The following FHIT variants were observed in gnomAD, a reference collection of about 807,000 sequenced individuals.
FHIT encodes the protein bis(5'-adenosyl)-triphosphatase.
Under a neutral mutation model 17.9 loss-of-function variants are expected in FHIT, and 19 were observed. The ratio of observed to expected loss-of-function variants is 1.06; its 90% CI spans 0.74 to 1.56. The LOEUF is 1.56. Ranked by LOEUF, FHIT falls within the 40% of genes most tolerant of loss-of-function variation. FHIT has a pLI of 0.00. For missense variants in FHIT, 248 were observed against 189.2 expected, an observed-to-expected ratio of 1.31 and a Z score of -1.82; for synonymous variants, 81 against 69.7, an observed-to-expected ratio of 1.16 and a Z score of -0.81.
intron 4 of FHIT, among the ~76,000 whole-genome samples, chr3:60,540,627 G>A (rs747609772): frequency 1.3e-5 from 2 of 152,180 alleles, no homozygotes; most frequent in Non-Finnish European, 2.9e-5. Context: ...GTTGTTGCTG[G>A]TGTGAAAGCA....
chr3:61,207,857 C>G lies in FHIT; in HGVS notation c.-212-7192G>C, dbSNP rs2039302543. On this transcript the variant is annotated intron_variant, in intron 1 of 9. Coordinates refer to ENST00000492590, the MANE Select transcript of FHIT (RefSeq NM_002012.4). The stretch of plus-strand genomic sequence containing the variant: ...GATTTTCATTATTTCTTGCCTTCTG[C>G]TAGTGTTGAGTGTTGCTCTTGCTTC... Among the ~76,000 whole-genome samples, 3 of 152,044 alleles carry G rather than the reference C, an allele frequency of 2.0e-5. No individual in the cohort carries two copies. In the South Asian group the frequency reaches 6.2e-4, roughly 31 times the overall value.
At chr3:59,904,955 A>C (rs931379860) in intron 8 of FHIT, among the ~76,000 whole-genome samples, 1 of 152,238 alleles carries the variant, frequency 6.6e-6, no homozygotes. Flanking sequence ...AGGAAAGCGC[A>C]GGTATATGTA....
At chr3:60,303,321 T>C (rs1708524775) in intron 5 of FHIT, among the ~76,000 whole-genome samples, 1 of 152,188 alleles carries the variant, frequency 6.6e-6, no homozygotes, top group African/African-American at 2.4e-5. Flanking sequence ...TGTGTTTTCG[T>C]TCTCAGATAA....
chr3:61,148,993 T>C (rs987236592), intron 2 of FHIT, among the ~76,000 whole-genome samples: 2 of 152,184 alleles, frequency 1.3e-5, no homozygotes, highest in African/African-American at 4.8e-5. Context: ...AGGCATAAAG[T>C]TTTCCATAGA....
intron 1 of FHIT, among the ~76,000 whole-genome samples, chr3:61,208,019 T>C (rs1166993890): frequency 6.6e-6 from 1 of 152,230 alleles, no homozygotes; most frequent in Non-Finnish European, 1.5e-5. Context: ...GTTGTGTCTT[T>C]GTTCTCGTTG....
chr3:60,353,504 G>A (rs1699510984), intron 5 of FHIT, among the ~76,000 whole-genome samples: 1 of 152,066 alleles, frequency 6.6e-6, no homozygotes, highest in Admixed American at 6.6e-5. Flanking sequence ...ATCTCCTTCT[G>A]CTGGTGAGTC....
chr3:60,078,132 C>A (rs1331871010), intron 5 of FHIT, among the ~76,000 whole-genome samples: 3 of 151,572 alleles, frequency 2.0e-5, no homozygotes, highest in Non-Finnish European at 4.4e-5. Context: ...GTAGTGAATG[C>A]AAAAAAAGAA....
At chr3:60,053,618 C>A (rs574161335) in intron 5 of FHIT, among the ~76,000 whole-genome samples, 4 of 152,038 alleles carry the variant, frequency 2.6e-5, no homozygotes, top group African/African-American at 9.7e-5. Flanking sequence ...ATAAAAAAAT[C>A]TCTTAAGAGA....
At chr3:60,130,430 T>C (rs1358547138) in intron 5 of FHIT, among the ~76,000 whole-genome samples, 1 of 152,162 alleles carries the variant, frequency 6.6e-6, no homozygotes, top group Non-Finnish European at 1.5e-5. Flanking sequence ...ATCCTCATTA[T>C]GTCACTGAGA....
intron 5 of FHIT, among the ~76,000 whole-genome samples, chr3:60,503,523 C>T (rs991276658): frequency 3.3e-5 from 5 of 152,100 alleles, no homozygotes; most frequent in Non-Finnish European, 7.4e-5. Context: ...ATATAAATAA[C>T]TGATAAATGT....
intron 2 of FHIT, among the ~76,000 whole-genome samples, chr3:61,111,016 C>T (rs1236617561): frequency 6.6e-6 from 1 of 152,158 alleles, no homozygotes; most frequent in African/African-American, 2.4e-5. Flanking sequence ...CCGAAACAAA[C>T]ATTTTATACT....
chr3:60,348,568 CAAGGTAA>C (rs1196863598), intron 5 of FHIT, among the ~76,000 whole-genome samples: 1 of 152,016 alleles, frequency 6.6e-6, no homozygotes, highest in African/African-American at 2.4e-5. Flanking sequence ...CTAAGAAATA[CAAGGTAA>C]GACACACACA....
At chr3:60,480,549 C>G (rs1459385349) in intron 5 of FHIT, among the ~76,000 whole-genome samples, 1 of 152,200 alleles carries the variant, frequency 6.6e-6, no homozygotes, top group Non-Finnish European at 1.5e-5. Flanking sequence ...TTACAAGATA[C>G]AATGGGGATA....
intron 5 of FHIT, among the ~76,000 whole-genome samples, chr3:60,307,062 ACTAT>A (rs1372402593): frequency 2.6e-5 from 4 of 152,096 alleles, no homozygotes; most frequent in African/African-American, 9.7e-5. Flanking sequence ...TTTTGACATG[ACTAT>A]CTCTTTCTTC....
chr3:60,099,293 T>C (rs148397428), intron 5 of FHIT, among the ~76,000 whole-genome samples: 1 of 152,310 alleles, frequency 6.6e-6, no homozygotes, highest in East Asian at 1.9e-4. Flanking sequence ...ACAAATGGAA[T>C]GGGATGGGCT....
intron 9 of FHIT, chr3:59,751,618 T>C (rs1348550772): frequency 9.0e-6 from 2 of 223,384 alleles, no homozygotes; most frequent in Non-Finnish European, 1.8e-5. Context: ...CTATGATCTC[T>C]CAACAGTTAG....
intron 5 of FHIT, among the ~76,000 whole-genome samples, chr3:60,482,848 A>G (rs904795158): frequency 1.3e-5 from 2 of 152,104 alleles, no homozygotes; most frequent in African/African-American, 4.8e-5. Flanking sequence ...TGAAGGAGAT[A>G]GAGACACAAA....
intron 3 of FHIT, chr3:60,856,730 T>A (rs566276884): frequency 6.6e-6 from 1 of 152,552 alleles, no homozygotes; most frequent in African/African-American, 2.4e-5. Flanking sequence ...GCCTTCATTG[T>A]CCATCCCTGC....
intron 7 of FHIT, among the ~76,000 whole-genome samples, chr3:59,973,252 C>A (rs956902900): frequency 3.3e-5 from 5 of 152,122 alleles, no homozygotes; most frequent in African/African-American, 1.2e-4. Context: ...AATTCTGATT[C>A]CCTCTGTTTC....
Sources: allele counts gnomAD v4.1 joint callset (sites outside exome capture counted in the v4.1 genomes callset), GRCh38; gene constraint gnomAD v4.1.1; transcripts MANE v1.5; gene names NCBI Gene and HGNC (gene_info 2026-07-23, HGNC 2026-07-21).